TRAF7: variants seen among roughly 807,000 people sequenced by gnomAD.
TRAF7 encodes E3 ubiquitin-protein ligase TRAF7.
Under a neutral mutation model 89.3 loss-of-function variants are expected in TRAF7, and 45 were observed. That is an observed-to-expected ratio of 0.50 (90% confidence interval 0.40 to 0.65). The LOEUF (loss-of-function observed/expected upper bound fraction) is 0.65, where lower values mean the gene tolerates loss of function less well. TRAF7 is among the 30% of genes least tolerant of loss of function. TRAF7 has a pLI of 0.00. For synonymous variants in TRAF7, 406 were observed against 369.2 expected, an observed-to-expected ratio of 1.10 and a Z score of -1.14; for missense variants, 677 against 918.1, an observed-to-expected ratio of 0.74 and a Z score of 3.39.
intron 2 of TRAF7, among the ~76,000 whole-genome samples, 166 bp downstream of exon 2, chr16:2,164,167 CGCGCGCGCGCGCGCACGCGT>C (rs1381743802): frequency 2.5e-3 from 264 of 105,686 alleles, no homozygotes; most frequent in Non-Finnish European, 3.9e-3. Context: ...TGTGCGCGCG[CGCGCGCGCGCGCGCACGCGT>C]GCGTGTGTGG....
rs2093058887 is a variant in TRAF7 at position 2,161,663 on chromosome 16, G to A, written c.-38-2220G>A. On this transcript the variant is annotated intron_variant, in intron 1 of 20. Coordinates refer to ENST00000326181, the MANE Select transcript of TRAF7 (RefSeq NM_032271.3). This position sits in a 1 kb window ranked among gnomAD's most constrained non-coding sequence, Gnocchi z 5.2. Reference sequence around the variant, plus strand: ...TCCCCTCCCTGCTCCCAGAGGGCAGGAGCCAACCTGGGGCTCCCAAAAGGG... The same window carrying A: ...TCCCCTCCCTGCTCCCAGAGGGCAGAAGCCAACCTGGGGCTCCCAAAAGGG... Among the ~76,000 whole-genome samples the A allele has an allele frequency of 6.6e-6, 1 of 152,176 alleles. No homozygotes were observed. Among genetic ancestry groups the A allele is most frequent in the Non-Finnish European group, 1.5e-5 (1 of 68,012 alleles).
intron 9 of TRAF7, 23 bp downstream of exon 9, chr16:2,172,622 T>C (rs1481450290): frequency 7.5e-5 from 56 of 751,416 alleles, no homozygotes; most frequent in Non-Finnish European, 1.1e-4. Context: ...CGGGCGGGGG[T>C]GGGCCGGGGT....
intron 7 of TRAF7, 73 bp downstream of exon 7, chr16:2,171,678 C>G: frequency 1.2e-6 from 2 of 1,606,102 alleles, no homozygotes; most frequent in Non-Finnish European, 1.7e-6. Context: ...GGCGGCTTCT[C>G]CCTTGTCCCC....
chr16:2,156,137 G>A (rs915761170), intron 1 of TRAF7, among the ~76,000 whole-genome samples: 1 of 152,074 alleles, frequency 6.6e-6, no homozygotes, highest in South Asian at 2.1e-4. Flanking sequence ...ACTCCCGGGT[G>A]CCAGGCACTG....
Position 2,168,263 on chromosome 16 carries a change from T to C in TRAF7, c.231+95T>C. On this transcript the variant is annotated intron_variant, in intron 4 of 20. Coordinates refer to ENST00000326181, the MANE Select transcript of TRAF7 (RefSeq NM_032271.3). This position sits in a 1 kb window ranked among gnomAD's most constrained non-coding sequence, Gnocchi z 4.1. ...GTCCCAGGAGGAGTTGACAGTGAGC[T>C]GGTGAGGCACAGGAGAAGAAGAGCA... 1 of 1,059,578 alleles carries C rather than the reference T, an allele frequency of 9.4e-7. No homozygotes were observed. Among genetic ancestry groups the C allele is most frequent in the South Asian group, 1.4e-5 (1 of 69,220 alleles). 65.6% of individuals were successfully genotyped at this position (1,059,578 alleles called of 1,614,324 possible).
At position 2,161,770 on chromosome 16, in the gene TRAF7, G is replaced by A. The variant is rs2093059262; in HGVS notation, c.-38-2113G>A. Among the ~76,000 whole-genome samples the A allele has an allele frequency of 6.6e-6, 1 of 152,186 alleles. No homozygotes were observed. The highest frequency in any genetic ancestry group is 1.5e-5 in the Non-Finnish European group (1 of 68,030). On this transcript the variant is annotated intron_variant, in intron 1 of 20. Coordinates refer to ENST00000326181, the MANE Select transcript of TRAF7 (RefSeq NM_032271.3). The surrounding 1 kb of genome is among the most constrained non-coding windows in gnomAD (Gnocchi z 5.2). The stretch of plus-strand genomic sequence containing the variant: ...CCCAGCTGGGACATCCTCACCCCAA[G>A]CACAATGGCAAAAGGCAAGCCCTGG...
At chr16:2,175,782 C>A in intron 17 of TRAF7, 52 bp from the exon 18 acceptor site, 1 of 1,606,344 alleles carries the variant, frequency 6.2e-7, no homozygotes, top group Non-Finnish European at 8.5e-7. Context: ...GTGCGGGGGC[C>A]CTGGGGGTGA....
Position 2,172,452 on chromosome 16 carries a change from C to T in TRAF7, c.660-13C>T, listed in dbSNP as rs182666045. Reference sequence around the variant, plus strand: ...CTCTGGCTGAGGCCTCCCCGCATCCCGCCCTGGCACAGGGACCACGAGGGC... The same window carrying T: ...CTCTGGCTGAGGCCTCCCCGCATCCTGCCCTGGCACAGGGACCACGAGGGC... On this transcript the variant is annotated splice_polypyrimidine_tract_variant and intron_variant, in intron 8 of 20. Transcript: ENST00000326181. 650 of 1,610,570 alleles carry T rather than the reference C, an allele frequency of 4.0e-4. 3 individuals are homozygous for T. In the African/African-American group the frequency reaches 6.7e-3, roughly 16 times the overall value.
intron 10 of TRAF7, 32 bp from the exon 11 acceptor site, chr16:2,173,449 C>T (rs1485264997): frequency 1.2e-6 from 2 of 1,612,536 alleles, no homozygotes; most frequent in Non-Finnish European, 1.7e-6. Flanking sequence ...GCTCCGGGCA[C>T]CAGTGACACC....
Position 2,168,039 on chromosome 16 carries a change from G to A in TRAF7, c.140-38G>A. 1 of 1,595,222 alleles carries A rather than the reference G, an allele frequency of 6.3e-7. No individual in the cohort carries two copies. The highest frequency in any genetic ancestry group is 8.5e-7 in the Non-Finnish European group (1 of 1,169,868). ...CCCCACCTCCCCCACATCTGCTGAG[G>A]GAGCCCCCACTGAGACGCCAGCCCT... On this transcript the variant is annotated intron_variant, in intron 3 of 20. Coordinates refer to ENST00000326181, the MANE Select transcript of TRAF7 (RefSeq NM_032271.3). This position sits in a 1 kb window ranked among gnomAD's most constrained non-coding sequence, Gnocchi z 4.1.
chr16:2,164,247 T>C (rs577489799), intron 2 of TRAF7, among the ~76,000 whole-genome samples: 293 of 149,740 alleles, frequency 2.0e-3, no homozygotes, highest in South Asian at 8.0e-3. Context: ...TGGTTAAGCG[T>C]GTGAGTGCTG....
In TRAF7 at chr16:2,175,386, T is replaced by A. The variant is rs769066956; in HGVS notation, c.1472T>A (p.Val491Glu). 2.5e-6 allele frequency: 4 copies of A among 1,613,598 alleles called. No homozygotes were observed. The highest frequency in any genetic ancestry group is 3.4e-6 in the Non-Finnish European group (4 of 1,179,994). Residue 491 changes from valine (V) to glutamate (E), a missense_variant, in exon 16 of 21, where the codon GTG (valine) becomes GAG (glutamate). By Grantham distance (121) the Val-to-Glu change is moderately radical. Transcript: ENST00000326181. ...TGCACGCTGGTCTCCTCACACAACG[T>A]GCTCTTCAGCGGCTCCCTGAAGGCC... ...PVCTLVSSHNVLFSGSLKAIK... is the reference protein window; with the variant it reads ...PVCTLVSSHNELFSGSLKAIK...
At chr16:2,173,859 T>TTGGGGGGCCCCCCCC in intron 12 of TRAF7, 23 bp downstream of exon 12, 2 of 1,246,230 alleles carry the variant, frequency 1.6e-6, no homozygotes, top group Non-Finnish European at 2.2e-6. Flanking sequence ...CCGCCGTGGC[T>TTGGGGGGCCCCCCCC]CCCGCCCACC....
In TRAF7 at chr16:2,162,085, T is replaced by C. The variant is rs1452269161; in HGVS notation, c.-38-1798T>C. On this transcript the variant is annotated intron_variant, in intron 1 of 20. Coordinates refer to ENST00000326181, the MANE Select transcript of TRAF7 (RefSeq NM_032271.3). The surrounding 1 kb of genome is among the most constrained non-coding windows in gnomAD (Gnocchi z 5.0). ...GGCCAGGCCCCATCTCCCGAGACCATGGGACGCAAAGATCAGGTGGGGCCA... is the reference window on the plus strand; with the variant it reads ...GGCCAGGCCCCATCTCCCGAGACCACGGGACGCAAAGATCAGGTGGGGCCA... 6.6e-6 allele frequency among the ~76,000 whole-genome samples: 1 copy of C among 152,040 alleles called. No homozygotes were observed. Among genetic ancestry groups the C allele is most frequent in the Non-Finnish European group, 1.5e-5 (1 of 68,016 alleles).
Position 2,162,574 on chromosome 16 carries a change from C to T in TRAF7, c.-38-1309C>T. Among the ~76,000 whole-genome samples the T allele has an allele frequency of 6.6e-6, 1 of 152,092 alleles. No homozygotes were observed. Among genetic ancestry groups the T allele is most frequent in the Non-Finnish European group, 1.5e-5 (1 of 67,978 alleles). ...GGGACTGGGACTGTCCTGCTCCTCT[C>T]AGGCCCCTGGGGCCTTGGTTTGCAG... is the stretch of plus-strand genomic sequence containing the variant. On this transcript the variant is annotated intron_variant, in intron 1 of 20. Coordinates refer to ENST00000326181, the MANE Select transcript of TRAF7 (RefSeq NM_032271.3). This position sits in a 1 kb window ranked among gnomAD's most constrained non-coding sequence, Gnocchi z 5.0.
In TRAF7 at chr16:2,168,281, G is replaced by C. The variant is rs1401565918; in HGVS notation, c.231+113G>C. ...AGTGAGCTGGTGAGGCACAGGAGAA[G>C]AAGAGCACCTGTGGATACCCTGAGG... is the stretch of plus-strand genomic sequence containing the variant. On this transcript the variant is annotated intron_variant, in intron 4 of 20. Transcript: ENST00000326181. This position sits in a 1 kb window ranked among gnomAD's most constrained non-coding sequence, Gnocchi z 4.1. The C allele has an allele frequency of 5.9e-6, 5 of 850,312 alleles. No homozygotes were observed. The highest frequency in any genetic ancestry group is 9.1e-6 in the Non-Finnish European group (5 of 551,678). The allele number at this position is 850,312 out of a possible 1,614,324, so 52.7% of individuals were successfully genotyped here.
Position 2,163,828 on chromosome 16 carries a change from C to G in TRAF7, c.-38-55C>G. On this transcript the variant is annotated intron_variant, in intron 1 of 20. Coordinates refer to ENST00000326181, the MANE Select transcript of TRAF7 (RefSeq NM_032271.3). The surrounding 1 kb of genome is among the most constrained non-coding windows in gnomAD (Gnocchi z 4.3). ...TGCACACTTGCAGCAGCCCGTCTGA[C>G]TCACAGGGGCCTGGGCTCCATCTCT... 1.7e-6 allele frequency: 2 copies of G among 1,193,914 alleles called. No individual in the cohort carries two copies. The highest frequency in any genetic ancestry group is 2.5e-5 in the East Asian group (1 of 39,994). The allele number at this position is 1,193,914 out of a possible 1,614,324, so 74.0% of individuals were successfully genotyped here. A position where few individuals can be genotyped will look rare whatever the true frequency, so the allele number is the denominator to read the frequency against.
At chr16:2,156,376 C>T (rs1297961980) in intron 1 of TRAF7, among the ~76,000 whole-genome samples, 1 of 152,214 alleles carries the variant, frequency 6.6e-6, no homozygotes, top group Non-Finnish European at 1.5e-5. Flanking sequence ...TGTCTCCATG[C>T]ATTGGCAAAT....
chr16:2,166,088 C>A, intron 3 of TRAF7, 152 bp downstream of exon 3: 1 of 890,572 alleles, frequency 1.1e-6, no homozygotes, highest in Non-Finnish European at 1.7e-6. Flanking sequence ...TGTGTCCTCA[C>A]AGCCTCTCAG....
Sources: allele counts gnomAD v4.1 joint callset (sites outside exome capture counted in the v4.1 genomes callset), GRCh38; gene constraint gnomAD v4.1.1; non-coding constraint Gnocchi (gnomAD v3.1); transcripts MANE v1.5; gene names NCBI Gene and HGNC (gene_info 2026-07-23, HGNC 2026-07-21).